The following KIAA1217 variants were observed in gnomAD, a reference collection of about 807,000 sequenced individuals.
KIAA1217 encodes the protein KIAA1217.
In KIAA1217, 88 loss-of-function variants were observed where a neutral mutation model predicts 163.9. The ratio of observed to expected loss-of-function variants is 0.54; its 90% confidence interval spans 0.45 to 0.64. KIAA1217 has a LOEUF of 0.64. Among genes scored for constraint, KIAA1217 ranks in the 30% least tolerant of loss-of-function variants. The pLI is 0.00. For synonymous variants in KIAA1217, 903 were observed against 923.1 expected (o/e 0.98, Z 0.39); for missense variants, 2,372 against 2,475.0 (o/e 0.96, Z 0.88).
intron 2 of KIAA1217, among the ~76,000 whole-genome samples, chr10:24,039,797 G>GATAGAT (rs71923161): frequency 0.016 from 2,427 of 147,608 alleles, 70 homozygotes; most frequent in African/African-American, 0.052. Flanking sequence ...TATAGATATA[G>GATAGAT]ATAGATATAG....
At chr10:24,018,972 T>C (rs1847614978) in intron 2 of KIAA1217, among the ~76,000 whole-genome samples, 1 of 152,072 alleles carries the variant, frequency 6.6e-6, no homozygotes, top group Non-Finnish European at 1.5e-5. Flanking sequence ...TACTGTATGC[T>C]CTCAATTATG....
chr10:23,831,337 T>G (rs1437789525), intron 1 of KIAA1217, among the ~76,000 whole-genome samples: 1 of 139,902 alleles, frequency 7.1e-6, no homozygotes, highest in Non-Finnish European at 1.6e-5. Context: ...ACAAAAAGAG[T>G]AAAAAGATGG....
chr10:24,264,078 C>T (rs563483124), intron 2 of KIAA1217, among the ~76,000 whole-genome samples: 4 of 152,126 alleles, frequency 2.6e-5, no homozygotes, highest in South Asian at 4.1e-4. Context: ...AGGCTGGTAT[C>T]GAATTCCTGT....
At chr10:24,462,729 G>A (rs761434759) in intron 5 of KIAA1217, among the ~76,000 whole-genome samples, 3 of 152,170 alleles carry the variant, frequency 2.0e-5, no homozygotes, top group Non-Finnish European at 2.9e-5. Context: ...TTTGTGGGTG[G>A]GGTATGGTGA....
intron 1 of KIAA1217, among the ~76,000 whole-genome samples, chr10:23,886,233 A>C (rs74472899): frequency 1.3e-3 from 200 of 152,048 alleles, no homozygotes; most frequent in African/African-American, 4.7e-3. Flanking sequence ...TGTTCCTCTT[A>C]TTGCTAACTG....
chr10:23,966,707 C>T (rs1490552597), intron 1 of KIAA1217, among the ~76,000 whole-genome samples: 1 of 152,180 alleles, frequency 6.6e-6, no homozygotes, highest in Non-Finnish European at 1.5e-5. Context: ...AGGAAGAAGA[C>T]TGGAGATTAT....
chr10:24,244,000 G>A (rs1414130441), intron 2 of KIAA1217, among the ~76,000 whole-genome samples: 3 of 152,192 alleles, frequency 2.0e-5, no homozygotes, highest in East Asian at 1.9e-4. Context: ...TGCAGTGACT[G>A]AAGAAGTCTC....
chr10:24,364,083 A>G (rs2050411473), intron 2 of KIAA1217, among the ~76,000 whole-genome samples: 1 of 150,774 alleles, frequency 6.6e-6, no homozygotes, highest in Non-Finnish European at 1.5e-5. Flanking sequence ...GGTTCAAGTC[A>G]TTCTTCTGCC....
chr10:24,363,406 A>G (rs1029011252), intron 2 of KIAA1217, among the ~76,000 whole-genome samples: 1 of 152,134 alleles, frequency 6.6e-6, no homozygotes, highest in African/African-American at 2.4e-5. Flanking sequence ...TCTTTTTGCC[A>G]TTTTCTTATG....
chr10:24,053,633 G>A (rs1849677416), intron 2 of KIAA1217, among the ~76,000 whole-genome samples: 1 of 151,312 alleles, frequency 6.6e-6, no homozygotes, highest in African/African-American at 2.4e-5. Context: ...AAAATAAAAA[G>A]AAAGAAAGAA....
intron 6 of KIAA1217, among the ~76,000 whole-genome samples, chr10:24,484,241 A>ATATATATATATTTTTTTTTTTTTTTTTT (rs1376083298): frequency 8.0e-5 from 6 of 75,158 alleles, no homozygotes; most frequent in Admixed American, 1.8e-4. Flanking sequence ...ATATATATAT[A>ATATATATATATTTTTTTTTTTTTTTTTT]TTTTTTTTTT....
Position 24,314,908 on chromosome 10 carries a change from C to T in KIAA1217, c.355-65961C>T, listed in dbSNP as rs531755763. On this transcript the variant is annotated intron_variant, in intron 2 of 20. Coordinates refer to ENST00000376454, the MANE Select transcript of KIAA1217 (RefSeq NM_019590.5). Reference sequence around the variant, plus strand: ...GCAGTGAACTGAGATAGCGCCGCTGCACTCCAGCCTGGGCGACAGAGCGAG... The same window carrying T: ...GCAGTGAACTGAGATAGCGCCGCTGTACTCCAGCCTGGGCGACAGAGCGAG... Among the ~76,000 whole-genome samples, 10 of 152,210 alleles carry T rather than the reference C, an allele frequency of 6.6e-5. No individual in the cohort carries two copies. In the East Asian group the frequency reaches 1.5e-3, roughly 23 times the overall value.
chr10:24,218,377 G>A (rs371593088), intron 1 of KIAA1217, among the ~76,000 whole-genome samples: 10 of 152,088 alleles, frequency 6.6e-5, no homozygotes, highest in Non-Finnish European at 4.4e-5. Context: ...GGATGTCTTA[G>A]GTCCAGGCTA....
chr10:23,772,617 G>T (rs756340969), intron 1 of KIAA1217, among the ~76,000 whole-genome samples: 25 of 152,166 alleles, frequency 1.6e-4, no homozygotes, highest in Non-Finnish European at 1.8e-4. Flanking sequence ...TGGGTGGAAG[G>T]CCACACATCT....
At chr10:24,214,159 AAAAC>A (rs2068510715) in intron 1 of KIAA1217, among the ~76,000 whole-genome samples, 2 of 152,286 alleles carry the variant, frequency 1.3e-5, no homozygotes, top group African/African-American at 4.8e-5. Flanking sequence ...CCTGTTTCTA[AAAAC>A]AAACAAAGAA....
chr10:24,480,372 G>T (rs955628594), intron 6 of KIAA1217, among the ~76,000 whole-genome samples: 1 of 152,202 alleles, frequency 6.6e-6, no homozygotes. Flanking sequence ...GATAGAGCTT[G>T]CTATGACTAC....
intron 2 of KIAA1217, among the ~76,000 whole-genome samples, chr10:24,179,221 T>C (rs972113306): frequency 1.3e-5 from 2 of 152,230 alleles, no homozygotes; most frequent in Admixed American, 1.3e-4. Flanking sequence ...TTTGGGCTTC[T>C]GATATGATTT....
chr10:24,036,334 C>A (rs532562281), intron 2 of KIAA1217, among the ~76,000 whole-genome samples: 1 of 152,046 alleles, frequency 6.6e-6, no homozygotes, highest in African/African-American at 2.4e-5. Context: ...AGTCACGAAA[C>A]TAAATAGAGA....
At chr10:23,924,342 G>C (rs1842948895) in intron 1 of KIAA1217, among the ~76,000 whole-genome samples, 1 of 152,058 alleles carries the variant, frequency 6.6e-6, no homozygotes, top group African/African-American at 2.4e-5. Flanking sequence ...ATAACTACCA[G>C]AATGACCAAA....
Sources: gnomAD v4.1 joint callset for allele counts (sites outside exome capture counted in the v4.1 genomes callset) on GRCh38, gnomAD v4.1.1 for gene constraint, MANE v1.5 for transcripts, NCBI Gene and HGNC (gene_info 2026-07-23, HGNC 2026-07-21) for gene names.